Variants in LHPP observed in about 807,000 individuals in gnomAD.
The protein encoded by LHPP is phospholysine phosphohistidine inorganic pyrophosphate phosphatase.
Under a neutral mutation model 30.3 loss-of-function variants are expected in LHPP, and 24 were observed. The observed-to-expected ratio is 0.79, with a 90% CI of 0.57 to 1.11. LHPP has a LOEUF of 1.11. LHPP is among the 50% of genes most tolerant of loss of function. The probability of loss-of-function intolerance (pLI) is 0.00; values close to 1 mark genes in which losing one functional copy is unlikely to be tolerated. For synonymous variants in LHPP, 150 were observed against 157.1 expected (o/e 0.95, Z 0.34); for missense variants, 356 against 367.2 (o/e 0.97, Z 0.25).
intron 6 of LHPP, among the ~76,000 whole-genome samples, chr10:124,539,176 A>C (rs992662942): frequency 9.2e-5 from 14 of 151,478 alleles, no homozygotes; most frequent in African/African-American, 3.4e-4. Context: ...AACCAAAATG[A>C]CTCCCCTCGT....
rs540834097 is a variant in LHPP, at chr10:124,523,143, GTCTTC to G, written c.716+5877_716+5881del. Reference sequence around the variant, plus strand: ...AGCCGCGATGCGGAGCTCGCCTCTGGTCTTCTCTTATTGTTTACCCAAGGCTGGCA... The same window carrying G: ...AGCCGCGATGCGGAGCTCGCCTCTGGTCTTATTGTTTACCCAAGGCTGGCA... On this transcript the variant is annotated intron_variant, in intron 6 of 6. Coordinates refer to ENST00000368842, the MANE Select transcript of LHPP (RefSeq NM_022126.4). The surrounding 1 kb of genome is among the most constrained non-coding windows in gnomAD (Gnocchi z 4.2). Among the ~76,000 whole-genome samples, 1 of 152,238 alleles carries G rather than the reference GTCTTC, an allele frequency of 6.6e-6. No individual in the cohort carries two copies. Among genetic ancestry groups the G allele is most frequent in the Non-Finnish European group, 1.5e-5 (1 of 68,050 alleles).
chr10:124,596,772 T>G lies in LHPP; in HGVS notation c.717-16492T>G, dbSNP rs1272761107. Among the ~76,000 whole-genome samples, 2 of 152,250 alleles carry G rather than the reference T, an allele frequency of 1.3e-5. No individual in the cohort carries two copies. Among genetic ancestry groups the G allele is most frequent in the Non-Finnish European group, 2.9e-5 (2 of 68,046 alleles). On this transcript the variant is annotated intron_variant, in intron 6 of 6. Transcript: ENST00000368842. This position sits in a 1 kb window ranked among gnomAD's most constrained non-coding sequence, Gnocchi z 4.6. ...CAGGCCAGGACAGAGGCTGCAGGTA[T>G]AAGCCCTGCCCTGCCACCATGATGG...
Position 124,541,820 on chromosome 10 carries a change from G to A in LHPP, c.716+24549G>A, listed in dbSNP as rs1026879969. ...AGACCAGAGTGGAGTGGGCTGGGCG[G>A]GCCAGGCCCCGGCCCAGATGGGGTG... On this transcript the variant is annotated intron_variant, in intron 6 of 6. Coordinates refer to ENST00000368842, the MANE Select transcript of LHPP (RefSeq NM_022126.4). The surrounding 1 kb of genome is among the most constrained non-coding windows in gnomAD (Gnocchi z 4.2). Among the ~76,000 whole-genome samples, 1 of 152,016 alleles carries A rather than the reference G, an allele frequency of 6.6e-6. No individual in the cohort carries two copies. The highest frequency in any genetic ancestry group is 2.4e-5 in the African/African-American group (1 of 41,398).
At chr10:124,562,330 T>C (rs79369213) in intron 6 of LHPP, among the ~76,000 whole-genome samples, 5 of 97,238 alleles carry the variant, frequency 5.1e-5, no homozygotes, top group Admixed American at 1.0e-4. Context: ...AACAAACAAA[T>C]AAATAGAAGA....
chr10:124,610,411 G>A (rs1038664480), intron 6 of LHPP, among the ~76,000 whole-genome samples: 2 of 115,198 alleles, frequency 1.7e-5, no homozygotes, highest in African/African-American at 3.4e-5. Flanking sequence ...CTGGTGGAGC[G>A]GGTGAGGGTG....
chr10:124,488,998 C>T (rs1564783642), intron 3 of LHPP, among the ~76,000 whole-genome samples: 1 of 152,134 alleles, frequency 6.6e-6, no homozygotes, highest in Non-Finnish European at 1.5e-5. Flanking sequence ...GAGGGCCTAC[C>T]CAGTCTGGGC....
chr10:124,546,952 C>T (rs190823267), intron 6 of LHPP, among the ~76,000 whole-genome samples: 29 of 152,262 alleles, frequency 1.9e-4, no homozygotes, highest in South Asian at 8.3e-4. Context: ...ATGTTTTCTG[C>T]ACCTCTCCCG....
At chr10:124,559,622 C>T (rs1297757275) in intron 6 of LHPP, among the ~76,000 whole-genome samples, 10 of 152,372 alleles carry the variant, frequency 6.6e-5, no homozygotes, top group South Asian at 4.1e-4. Context: ...CTTGGAAATC[C>T]GGCTGCCCGA....
chr10:124,578,711 G>C lies in LHPP; in HGVS notation c.717-34553G>C, dbSNP rs141652918. The stretch of plus-strand genomic sequence containing the variant: ...TTGCTGGATGCAGGGCTTACACCGC[G>C]CCACGCGTCAGAAGCTAGCAGGGGC... On this transcript the variant is annotated intron_variant, in intron 6 of 6. Coordinates refer to ENST00000368842, the MANE Select transcript of LHPP (RefSeq NM_022126.4). Among the ~76,000 whole-genome samples the C allele has an allele frequency of 5.9e-5, 9 of 152,322 alleles. No homozygotes were observed. In the East Asian group the frequency reaches 1.7e-3, roughly 29 times the overall value.
At chr10:124,470,431 G>A (rs1482147710) in intron 1 of LHPP, among the ~76,000 whole-genome samples, 1 of 152,060 alleles carries the variant, frequency 6.6e-6, no homozygotes, top group African/African-American at 2.4e-5. Context: ...CAGCCCTTCC[G>A]TCCAGTAGCA....
chr10:124,585,890 T>G lies in LHPP; in HGVS notation c.717-27374T>G, dbSNP rs185501514. On this transcript the variant is annotated intron_variant, in intron 6 of 6. Transcript: ENST00000368842. Reference sequence around the variant, plus strand: ...ACCTCTGCCGCCTGGGTTTAAGTGATTCTCCTGCCTCAGCCTCCGGAGTAG... The same window carrying G: ...ACCTCTGCCGCCTGGGTTTAAGTGAGTCTCCTGCCTCAGCCTCCGGAGTAG... Among the ~76,000 whole-genome samples, 178 of 152,230 alleles carry G rather than the reference T, an allele frequency of 1.2e-3. 1 individual carries two copies. The highest frequency in any genetic ancestry group is 1.8e-3 in the Non-Finnish European group (120 of 68,016).
chr10:124,530,661 C>T (rs1954877014), intron 6 of LHPP, among the ~76,000 whole-genome samples: 1 of 152,238 alleles, frequency 6.6e-6, no homozygotes, highest in Non-Finnish European at 1.5e-5. Context: ...GCCCTGTGTG[C>T]CCTCTGCCTC....
Position 124,466,677 on chromosome 10 carries a change from G to T in LHPP, c.125+4690G>T, listed in dbSNP as rs1254945. On this transcript the variant is annotated intron_variant, in intron 1 of 6. Coordinates refer to ENST00000368842, the MANE Select transcript of LHPP (RefSeq NM_022126.4). ...TTGCCACATTGGCCAGGCTGGTTTC[G>T]AACTCCTGACCTCATGTGATCTGCC... Among the ~76,000 whole-genome samples the T allele has an allele frequency of 4.0e-5, 6 of 151,674 alleles. No individual in the cohort carries two copies. In the South Asian group the frequency reaches 1.3e-3, roughly 32 times the overall value.
intron 6 of LHPP, among the ~76,000 whole-genome samples, chr10:124,544,395 T>C (rs562514748): frequency 6.6e-6 from 1 of 152,272 alleles, no homozygotes; most frequent in African/African-American, 2.4e-5. Context: ...AGGAGCAGAC[T>C]GGCAGGGGCC....
rs572494409 is a variant in LHPP at position 124,463,468 on chromosome 10, T to C, written c.125+1481T>C. Among the ~76,000 whole-genome samples, 119 of 152,132 alleles carry C rather than the reference T, an allele frequency of 7.8e-4. 1 individual carries two copies. Among genetic ancestry groups the C allele is most frequent in the Middle Eastern group, 3.4e-3 (1 of 292 alleles). On this transcript the variant is annotated intron_variant, in intron 1 of 6. Coordinates refer to ENST00000368842, the MANE Select transcript of LHPP (RefSeq NM_022126.4). Reference sequence around the variant, plus strand: ...ACCTCTGCCTCCCAGGTTCAAGTGATTCTCCTGCCTCAGCCTCCCAAGTAT... The same window carrying C: ...ACCTCTGCCTCCCAGGTTCAAGTGACTCTCCTGCCTCAGCCTCCCAAGTAT...
chr10:124,470,947 A>G (rs1355459324), intron 1 of LHPP, among the ~76,000 whole-genome samples: 1 of 152,054 alleles, frequency 6.6e-6, no homozygotes, highest in Non-Finnish European at 1.5e-5. Flanking sequence ...CAGAGATGGG[A>G]GCCGGTGCTC....
intron 6 of LHPP, among the ~76,000 whole-genome samples, chr10:124,606,673 C>T (rs1949097047): frequency 6.6e-6 from 1 of 152,264 alleles, no homozygotes; most frequent in South Asian, 2.1e-4. Context: ...CTGGGCCATG[C>T]ACTTTTTTGG....
intron 6 of LHPP, among the ~76,000 whole-genome samples, chr10:124,528,605 C>T (rs1034843787): frequency 6.6e-6 from 1 of 152,140 alleles, no homozygotes; most frequent in African/African-American, 2.4e-5. Context: ...GTGATCTGCC[C>T]ACCTCAGCCT....
At chr10:124,603,635 G>C (rs1949055795) in intron 6 of LHPP, among the ~76,000 whole-genome samples, 1 of 152,214 alleles carries the variant, frequency 6.6e-6, no homozygotes, top group Non-Finnish European at 1.5e-5. Flanking sequence ...GGTTGGGCAA[G>C]GGGAGGGCGG....
Sources: allele counts gnomAD v4.1 joint callset (sites outside exome capture counted in the v4.1 genomes callset), GRCh38; gene constraint gnomAD v4.1.1; non-coding constraint Gnocchi (gnomAD v3.1); transcripts MANE v1.5; gene names NCBI Gene and HGNC (gene_info 2026-07-23, HGNC 2026-07-21).